Variants in CRB2 observed in about 807,000 individuals in gnomAD.
CRB2 encodes the protein protein crumbs homolog 2.
A neutral mutation model predicts 110.9 loss-of-function variants in CRB2; 85 were observed. The ratio of observed to expected loss-of-function variants is 0.77; its 90% confidence interval spans 0.64 to 0.92. CRB2 has a LOEUF of 0.92. Ranked by LOEUF, CRB2 falls within the 40% of genes least tolerant of loss-of-function variation. The pLI is 0.00. For missense variants in CRB2, 1,843 were observed against 1,851.3 expected (o/e 1.00, Z 0.08); for synonymous variants, 907 against 831.0 (o/e 1.09, Z -1.57).
chr9:123,378,808 T>TTG (rs2042151089), downstream of CRB2: 3 of 68,982 alleles, frequency 4.3e-5, no homozygotes, highest in African/African-American at 1.2e-4. Flanking sequence ...GTTTTTTGTT[T>TTG]TTTTTTTTTT....
At position 123,376,950 on chromosome 9, in the gene CRB2, G is replaced by C. The variant is rs147412276; in HGVS notation, c.3746G>C (p.Arg1249Pro). 6.2e-7 allele frequency: 1 copy of C among 1,606,198 alleles called. No homozygotes were observed. The highest frequency in any genetic ancestry group is 8.5e-7 in the Non-Finnish European group (1 of 1,177,580). Residue 1249 changes from arginine to proline, a missense_variant, in exon 13 of 13, where the codon CGA becomes CCA. Physicochemically the swap from Arg to Pro is moderately radical, Grantham distance 103. Transcript: ENST00000373631. ...CTCCTTTCAGGGATCCTGGCAGCCC[G>C]AAAGCGCCGCCAGTCTGAGGGCACC... is the stretch of plus-strand genomic sequence containing the variant. ...LGLLSGILAA[R>P]KRRQSEGTYS...
upstream of CRB2, among the ~76,000 whole-genome samples, chr9:123,355,658 T>G (rs916042456): frequency 0.033 from 259 of 7,934 alleles, no homozygotes; most frequent in Admixed American, 0.046. Flanking sequence ...GAGGGGGGAG[T>G]GGGGAGGGGG....
upstream of CRB2, among the ~76,000 whole-genome samples, chr9:123,355,641 G>A (rs2041788407): frequency 6.8e-6 from 1 of 147,756 alleles, no homozygotes; most frequent in African/African-American, 2.5e-5. Context: ...GGCTGACCGA[G>A]TGTGGGGAGG....
intron 8 of CRB2, 123 bp from the exon 9 acceptor site, chr9:123,372,054 C>T (rs2042024475): frequency 2.1e-6 from 2 of 971,456 alleles, no homozygotes; most frequent in South Asian, 1.6e-5. Context: ...CTTCCTCTCC[C>T]CTCGTTTGTG....
At chr9:123,355,141 T>C (rs539071591), upstream of CRB2, among the ~76,000 whole-genome samples, 24 of 152,218 alleles carry the variant, frequency 1.6e-4, no homozygotes, top group South Asian at 1.0e-3. Context: ...CTGAGGGTGG[T>C]AGAAGAAAGG....
At chr9:123,354,584 T>C (rs952581942), upstream of CRB2, among the ~76,000 whole-genome samples, 9 of 152,352 alleles carry the variant, frequency 5.9e-5, 1 homozygote, top group Admixed American at 3.3e-4. Context: ...CCAGATCTCT[T>C]ACGCTGTGAG....
intron 6 of CRB2, chr9:123,369,071 G>T: frequency 1.5e-6 from 1 of 669,694 alleles, no homozygotes; most frequent in Non-Finnish European, 2.0e-6. Context: ...CTGGGCCTGG[G>T]TTCCTCCAGC....
At position 123,366,263 on chromosome 9, in the gene CRB2, C is replaced by G; in HGVS notation, c.651C>G (p.Gly217=). ...ACTGCGCGGGCACCGGCTACGAGGG[C>G]ACGCACTGCGAGCGGGAGGTGCTGG... ...RCDCAGTGYE[G]THCEREVLEC... Residue 217 remains glycine, a synonymous_variant, in exon 4 of 13, where the codon GGC becomes GGG. Coordinates refer to ENST00000373631, the MANE Select transcript of CRB2 (RefSeq NM_173689.7). The G allele has an allele frequency of 6.7e-7, 1 of 1,500,438 alleles. No individual in the cohort carries two copies. The highest frequency in any genetic ancestry group is 2.8e-5 in the East Asian group (1 of 35,590). 92.9% of individuals were successfully genotyped at this position (1,500,438 alleles called of 1,614,324 possible). A position where few individuals can be genotyped will look rare whatever the true frequency, so the allele number is the denominator to read the frequency against.
Position 123,371,554 on chromosome 9 carries a change from C to T in CRB2, c.2412C>T (p.Gly804=). ...GGRQSWNLTA[G]CVSEDMCSPD... ...GGCAGTCCTGGAACCTCACTGCGGG[C>T]TGCGTCTCCGAGGACATGTGCAGTG... Residue 804 remains glycine, a synonymous_variant, in exon 8 of 13, where the codon GGC becomes GGT. Transcript: ENST00000373631. 1 of 1,613,070 alleles carries T rather than the reference C, an allele frequency of 6.2e-7. No homozygotes were observed. The highest frequency in any genetic ancestry group is 8.5e-7 in the Non-Finnish European group (1 of 1,180,038).
intron 1 of CRB2, among the ~76,000 whole-genome samples, chr9:123,359,441 G>GTTTTTTTTTTTTTTTT (rs375773781): frequency 2.9e-4 from 27 of 94,422 alleles, no homozygotes; most frequent in Non-Finnish European, 4.6e-4. Context: ...TTTTTGTTTT[G>GTTTTTTTTTTTTTTTT]TTTTTTTTTT....
chr9:123,354,401 C>A (rs570914247), upstream of CRB2, among the ~76,000 whole-genome samples: 1 of 152,266 alleles, frequency 6.6e-6, no homozygotes, highest in East Asian at 1.9e-4. Flanking sequence ...CCCCAGCCCC[C>A]CATTGGGATT....
rs553751103 is a variant in CRB2, at chr9:123,378,156, T to G, written c.*1094T>G. On this transcript the variant is annotated 3_prime_UTR_variant, in exon 13 of 13. Coordinates refer to ENST00000373631, the MANE Select transcript of CRB2 (RefSeq NM_173689.7). ...GACTTGAAGGAAGCCCTCTGGGTTGTCTGCTGAGTACAGGGGCTCAGTGAA... is the reference window on the plus strand; with the variant it reads ...GACTTGAAGGAAGCCCTCTGGGTTGGCTGCTGAGTACAGGGGCTCAGTGAA... The G allele has an allele frequency of 6.6e-6, 1 of 152,438 alleles. No homozygotes were observed. Among genetic ancestry groups the G allele is most frequent in the South Asian group, 2.1e-4 (1 of 4,828 alleles). 9.4% of individuals were successfully genotyped at this position (152,438 alleles called of 1,614,324 possible).
Position 123,359,441 on chromosome 9 carries a change from G to GT in CRB2, c.94+3112dup, listed in dbSNP as rs375773781. On this transcript the variant is annotated intron_variant, in intron 1 of 12. Transcript: ENST00000373631. ...GTTTGTGGTTTTTCGTTTTTGTTTTGTTTTTTTTTTTTTTTTTTTTTTTTT... is the reference window on the plus strand; with the variant it reads ...GTTTGTGGTTTTTCGTTTTTGTTTTGTTTTTTTTTTTTTTTTTTTTTTTTTT... Among the ~76,000 whole-genome samples the GT allele has an allele frequency of 1.2e-3, 109 of 94,402 alleles. 2 individuals carry two copies. Among genetic ancestry groups the GT allele is most frequent in the African/African-American group, 4.9e-3 (84 of 17,156 alleles). 61.9% of individuals were successfully genotyped at this position (94,402 alleles called of 152,430 possible). A position where few individuals can be genotyped will look rare whatever the true frequency, so the allele number is the denominator to read the frequency against.
chr9:123,356,162 A>G, upstream of CRB2: 1 of 752,464 alleles, frequency 1.3e-6, no homozygotes, highest in Non-Finnish European at 1.9e-6. Flanking sequence ...GCCTCTGTCC[A>G]CAGCATTAGT....
At position 123,374,578 on chromosome 9, in the gene CRB2, G is replaced by T; in HGVS notation, c.3390-1G>T. 1 of 1,611,480 alleles carries T rather than the reference G, an allele frequency of 6.2e-7. No individual in the cohort carries two copies. ...CACTCCAGCCTCTGCTCTCTCCCCA[G>T]GTTGCCTGTCCCATCCAAGGAGTGC... On this transcript the variant is annotated splice_acceptor_variant, in intron 10 of 12. Coordinates refer to ENST00000373631, the MANE Select transcript of CRB2 (RefSeq NM_173689.7). LOFTEE classifies it high-confidence loss of function.
intron 1 of CRB2, among the ~76,000 whole-genome samples, chr9:123,357,971 G>C (rs1453561410): frequency 6.6e-6 from 1 of 152,240 alleles, no homozygotes; most frequent in Non-Finnish European, 1.5e-5. Context: ...CTGGACACTG[G>C]TGTGTACACT....
upstream of CRB2, among the ~76,000 whole-genome samples, chr9:123,355,186 C>G (rs776806773): frequency 1.3e-5 from 2 of 152,162 alleles, no homozygotes; most frequent in Non-Finnish European, 2.9e-5. Context: ...TCTGAGATGA[C>G]CTGGCTTCCT....
intron 1 of CRB2, among the ~76,000 whole-genome samples, chr9:123,360,824 T>A (rs1026676702): frequency 1.3e-5 from 2 of 152,078 alleles, no homozygotes; most frequent in Non-Finnish European, 2.9e-5. Context: ...AATGCCAAGA[T>A]CAACTGAGAT....
Position 123,366,379 on chromosome 9 carries a change from A to G in CRB2, c.754+13A>G. On this transcript the variant is annotated intron_variant, in intron 4 of 12. Coordinates refer to ENST00000373631, the MANE Select transcript of CRB2 (RefSeq NM_173689.7). ...CTCTGTTGGCCAGGTGTGTGCGTGC[A>G]GGTGCGCGGCCTGGCGGGGGGAGGG... 1 of 1,536,794 alleles carries G rather than the reference A, an allele frequency of 6.5e-7. No individual in the cohort carries two copies.
Sources: gnomAD v4.1 joint callset for allele counts (sites outside exome capture counted in the v4.1 genomes callset) on GRCh38, gnomAD v4.1.1 for gene constraint, MANE v1.5 for transcripts, NCBI Gene and HGNC (gene_info 2026-07-23, HGNC 2026-07-21) for gene names.